Variants in AGO3 observed in about 807,000 individuals in gnomAD.
The protein encoded by AGO3 is protein argonaute-3.
Under a neutral mutation model 105.5 loss-of-function variants are expected in AGO3, and 16 were observed. That is an observed-to-expected ratio of 0.15 (90% CI 0.10 to 0.23). AGO3 has a LOEUF of 0.23. Ranked by LOEUF, AGO3 falls within the 10% of genes least tolerant of loss-of-function variation. The pLI, the probability that AGO3 is intolerant of heterozygous loss-of-function variation, is 1.00. For missense variants in AGO3, 534 were observed against 1,088.0 expected (o/e 0.49, Z 7.16); for synonymous variants, 340 against 367.3 (o/e 0.93, Z 0.85).
At chr1:35,990,616 A>G (rs552757014) in intron 5 of AGO3, among the ~76,000 whole-genome samples, 2 of 152,194 alleles carry the variant, frequency 1.3e-5, no homozygotes, top group Non-Finnish European at 2.9e-5. Context: ...GAATATGTAA[A>G]TGGTTGTAGA....
intron 6 of AGO3, among the ~76,000 whole-genome samples, chr1:36,007,463 A>C (rs1015528546): frequency 2.0e-5 from 3 of 152,166 alleles, no homozygotes; most frequent in African/African-American, 7.2e-5. Flanking sequence ...TTGGGAGGCC[A>C]AGGTGGGTGG....
intron 13 of AGO3, 36 bp from the exon 14 acceptor site, chr1:36,036,141 A>G (rs1641997185): frequency 1.3e-6 from 2 of 1,589,486 alleles, no homozygotes. Flanking sequence ...TACTGAAAAA[A>G]TGAAATATCT....
At chr1:35,988,365 C>T (rs1647311144) in intron 5 of AGO3, among the ~76,000 whole-genome samples, 1 of 152,134 alleles carries the variant, frequency 6.6e-6, no homozygotes, top group Non-Finnish European at 1.5e-5. Flanking sequence ...AGTCACCATG[C>T]AGTACATTAG....
At chr1:35,992,025 T>TG (rs1207619862) in intron 5 of AGO3, 1 of 152,122 alleles carries the variant, frequency 6.6e-6, no homozygotes, top group East Asian at 1.9e-4. Flanking sequence ...GGGCTTAGGT[T>TG]GGGGAATCTA....
chr1:36,034,253 T>C lies in AGO3; in HGVS notation c.1671T>C (p.Ser557=), dbSNP rs1166543057. Residue 557 remains serine, a synonymous_variant, in exon 13 of 19, where the codon TCT becomes TCC. Transcript: ENST00000373191. ...AAGTCAAGAATGTAATAAAAACATC[T>C]CCTCAAACTCTGTCAAACTTGTGCC... ...CVQVKNVIKT[S]PQTLSNLCLK... The C allele has an allele frequency of 6.2e-7, 1 of 1,611,144 alleles. No homozygotes were observed. The highest frequency in any genetic ancestry group is 1.1e-5 in the South Asian group (1 of 90,512).
At chr1:35,945,651 C>T (rs1160130638) in intron 1 of AGO3, 41 bp from the exon 2 acceptor site, 1 of 1,597,330 alleles carries the variant, frequency 6.3e-7, no homozygotes. Context: ...TGGAATACAG[C>T]TTGTAACTGT....
rs1557648113 is a variant in AGO3, at chr1:35,952,135, TCTTTCTTTC to T, written c.191+6273_191+6281del. ...GTCTTTCTTTCTTTCTTTCTTTCTT[TCTTTCTTTC>T]TTTCTTTTTTTTTTTTTTTTTTGAC... On this transcript the variant is annotated intron_variant, in intron 2 of 18. Coordinates refer to ENST00000373191, the MANE Select transcript of AGO3 (RefSeq NM_024852.4). Among the ~76,000 whole-genome samples, 139 of 116,966 alleles carry T rather than the reference TCTTTCTTTC, an allele frequency of 1.2e-3. 1 individual carries two copies. The highest frequency in any genetic ancestry group is 5.0e-3 in the African/African-American group (127 of 25,648). 76.7% of individuals were successfully genotyped at this position (116,966 alleles called of 152,430 possible). A position where few individuals can be genotyped will look rare whatever the true frequency, so the allele number is the denominator to read the frequency against.
intron 13 of AGO3, among the ~76,000 whole-genome samples, chr1:36,035,446 T>C (rs138182320): frequency 6.6e-6 from 1 of 152,282 alleles, no homozygotes; most frequent in African/African-American, 2.4e-5. Context: ...AAGTCCTAGC[T>C]TCCTTTATGA....
chr1:36,041,571 A>G (rs903144811), intron 16 of AGO3, among the ~76,000 whole-genome samples: 1 of 152,136 alleles, frequency 6.6e-6, no homozygotes, highest in Non-Finnish European at 1.5e-5. Context: ...GTGTGCAGCA[A>G]GACAGCAGTC....
Position 36,022,169 on chromosome 1 carries a change from A to G in AGO3, c.1407-4945A>G, listed in dbSNP as rs145214203. ...CGCCTCAGCCTCTCAGGCTTAAGTG[A>G]TCCTCCTATGTCAGCCTCCCAAGTG... On this transcript the variant is annotated intron_variant, in intron 11 of 18. Transcript: ENST00000373191. Among the ~76,000 whole-genome samples, 196 of 144,074 alleles carry G rather than the reference A, an allele frequency of 1.4e-3. 1 individual carries two copies. Among genetic ancestry groups the G allele is most frequent in the African/African-American group, 4.8e-3 (184 of 38,692 alleles). 94.5% of individuals were successfully genotyped at this position (144,074 alleles called of 152,430 possible). A position where few individuals can be genotyped will look rare whatever the true frequency, so the allele number is the denominator to read the frequency against.
rs1482576212 is a variant in AGO3 at position 36,055,195 on chromosome 1, A to G, written c.2474+50A>G. On this transcript the variant is annotated intron_variant, in intron 18 of 18. Transcript: ENST00000373191. The surrounding 1 kb of genome is among the most constrained non-coding windows in gnomAD (Gnocchi z 4.4). ...TCACCCAAATCCCAATATTGTCTGC[A>G]TGGTAGGATTTTCAAGTTCCACAAG... The G allele has an allele frequency of 2.0e-6, 3 of 1,535,882 alleles. No homozygotes were observed. The highest frequency in any genetic ancestry group is 1.4e-5 in the African/African-American group (1 of 72,742).
chr1:36,072,280 AAG>A lies in AGO3; in HGVS notation c.*16537_*16538del, dbSNP rs1192067012. Reference sequence around the variant, plus strand: ...GGGAGGCAAATAACAACAACAACAAAAGAAATTGTCATGATTCTTTCTGAGCC... The same window carrying A: ...GGGAGGCAAATAACAACAACAACAAAAAATTGTCATGATTCTTTCTGAGCC... On this transcript the variant is annotated 3_prime_UTR_variant, in exon 19 of 19. Transcript: ENST00000373191. 1 of 152,042 alleles carries A rather than the reference AAG, an allele frequency of 6.6e-6. No homozygotes were observed. The highest frequency in any genetic ancestry group is 6.5e-5 in the Admixed American group (1 of 15,272). The allele number at this position is 152,042 out of a possible 1,614,324, so 9.4% of individuals were successfully genotyped here. A position where few individuals can be genotyped will look rare whatever the true frequency, so the allele number is the denominator to read the frequency against.
At chr1:35,942,808 G>A (rs1371405907) in intron 1 of AGO3, among the ~76,000 whole-genome samples, 1 of 152,058 alleles carries the variant, frequency 6.6e-6, no homozygotes, top group African/African-American at 2.4e-5. Context: ...CATTCACAGT[G>A]TTGTGCAGCC....
chr1:36,045,921 A>C (rs1642450482), intron 17 of AGO3, among the ~76,000 whole-genome samples: 1 of 152,170 alleles, frequency 6.6e-6, no homozygotes, highest in Non-Finnish European at 1.5e-5. Context: ...CCTGGTGAGC[A>C]CAGAAACTCG....
Position 36,034,166 on chromosome 1 carries a change from T to C in AGO3, c.1592-8T>C, listed in dbSNP as rs1333383429. The C allele has an allele frequency of 6.5e-7, 1 of 1,530,024 alleles. No individual in the cohort carries two copies. Among genetic ancestry groups the C allele is most frequent in the Non-Finnish European group, 8.8e-7 (1 of 1,139,610 alleles). 94.8% of individuals were successfully genotyped at this position (1,530,024 alleles called of 1,614,324 possible). A position where few individuals can be genotyped will look rare whatever the true frequency, so the allele number is the denominator to read the frequency against. On this transcript the variant is annotated splice_region_variant and splice_polypyrimidine_tract_variant and intron_variant, in intron 12 of 18. Transcript: ENST00000373191. ...TTTCTGACTAGAGGTTTTGCATCTATTCCATAGCGGAAGTGAAACGTGTAG... is the reference window on the plus strand; with the variant it reads ...TTTCTGACTAGAGGTTTTGCATCTACTCCATAGCGGAAGTGAAACGTGTAG...
chr1:35,932,659 C>T lies in AGO3; in HGVS notation c.19+1214C>T, dbSNP rs182318192. Among the ~76,000 whole-genome samples, 372 of 151,322 alleles carry T rather than the reference C, an allele frequency of 2.5e-3. 1 individual carries two copies. Among genetic ancestry groups the T allele is most frequent in the Middle Eastern group, 6.8e-3 (2 of 294 alleles). ...TCCATTGTTTCGCTTTCCCCCATATCGTCTTAAAAGGTCTGTCTGGATTGT... is the reference window on the plus strand; with the variant it reads ...TCCATTGTTTCGCTTTCCCCCATATTGTCTTAAAAGGTCTGTCTGGATTGT... On this transcript the variant is annotated intron_variant, in intron 1 of 18. Transcript: ENST00000373191.
At chr1:36,038,401 G>A (rs1015370729) in intron 14 of AGO3, among the ~76,000 whole-genome samples, 7 of 151,850 alleles carry the variant, frequency 4.6e-5, no homozygotes, top group Non-Finnish European at 7.4e-5. Flanking sequence ...GACTACAGGT[G>A]CACGCTGACA....
intron 5 of AGO3, among the ~76,000 whole-genome samples, chr1:35,977,306 A>G (rs1339132597): frequency 1.3e-5 from 2 of 149,938 alleles, no homozygotes; most frequent in Non-Finnish European, 3.0e-5. Flanking sequence ...CACTTTTGGT[A>G]GCTCACATTT....
chr1:35,964,472 C>T (rs1476088812), intron 2 of AGO3, among the ~76,000 whole-genome samples: 1 of 152,160 alleles, frequency 6.6e-6, no homozygotes, highest in Admixed American at 6.6e-5. Context: ...TTTTTTATGA[C>T]TGCATAGTAT....
Sources: allele counts gnomAD v4.1 joint callset (sites outside exome capture counted in the v4.1 genomes callset), GRCh38; gene constraint gnomAD v4.1.1; non-coding constraint Gnocchi (gnomAD v3.1); transcripts MANE v1.5; gene names NCBI Gene and HGNC (gene_info 2026-07-23, HGNC 2026-07-21).